TAFA2: variants seen among roughly 807,000 people sequenced by gnomAD.
TAFA2 encodes chemokine-like protein TAFA-2.
In TAFA2, 7 loss-of-function variants were observed where a neutral mutation model predicts 18.8. The ratio of observed to expected loss-of-function variants is 0.37; its 90% confidence interval spans 0.21 to 0.70. The LOEUF is 0.70. Among genes scored for constraint, TAFA2 ranks in the 30% least tolerant of loss-of-function variants. The pLI is 0.53. For missense variants in TAFA2, 122 were observed against 158.1 expected (o/e 0.77, Z 1.23); for synonymous variants, 60 against 54.2 (o/e 1.11, Z -0.47).
intron 1 of TAFA2, among the ~76,000 whole-genome samples, chr12:61,910,488 G>T (rs1403096129): frequency 1.3e-5 from 2 of 152,130 alleles, no homozygotes; most frequent in African/African-American, 4.8e-5. Flanking sequence ...TCAATTCAGT[G>T]ACCAACATTC....
intron 1 of TAFA2, among the ~76,000 whole-genome samples, chr12:62,125,384 C>T (rs971814868): frequency 6.6e-6 from 1 of 152,074 alleles, no homozygotes; most frequent in African/African-American, 2.4e-5. Context: ...GCTGGCCCGG[C>T]TCTGCCCTAG....
At chr12:62,104,332 C>T (rs76001787) in intron 1 of TAFA2, among the ~76,000 whole-genome samples, 8,194 of 150,906 alleles carry the variant, frequency 0.054, 333 homozygotes, top group Non-Finnish European at 0.083. Context: ...TATTGATTAA[C>T]CCTCAGCGAT....
intron 1 of TAFA2, among the ~76,000 whole-genome samples, chr12:61,955,125 G>C (rs1277568005): frequency 1.3e-5 from 2 of 152,058 alleles, no homozygotes; most frequent in Non-Finnish European, 2.9e-5. Flanking sequence ...TTCACATATT[G>C]TTAGAGTAAT....
intron 1 of TAFA2, among the ~76,000 whole-genome samples, chr12:62,167,033 T>G (rs1349792224): frequency 6.6e-6 from 1 of 152,100 alleles, no homozygotes; most frequent in South Asian, 2.1e-4. Context: ...TGTTTCCATA[T>G]GCCACAATGG....
chr12:62,234,717 G>A (rs1170232394), intron 1 of TAFA2: 10 of 1,088,252 alleles, frequency 9.2e-6, no homozygotes, highest in African/African-American at 1.5e-5. Flanking sequence ...TGCCTCTGAG[G>A]AGCCCCGTCT....
At chr12:62,226,736 C>A (rs2062788664) in intron 1 of TAFA2, among the ~76,000 whole-genome samples, 1 of 152,160 alleles carries the variant, frequency 6.6e-6, no homozygotes, top group Non-Finnish European at 1.5e-5. Context: ...CACCAAGTTA[C>A]CCAAGGCAAA....
intron 2 of TAFA2, among the ~76,000 whole-genome samples, chr12:61,821,784 G>A (rs537574261): frequency 1.3e-5 from 2 of 152,072 alleles, no homozygotes; most frequent in Non-Finnish European, 2.9e-5. Context: ...CTCAAAACTT[G>A]TTCCAAAAAC....
chr12:61,744,703 T>C (rs934740738), intron 4 of TAFA2, among the ~76,000 whole-genome samples: 8 of 152,004 alleles, frequency 5.3e-5, no homozygotes, highest in Non-Finnish European at 1.2e-4. Context: ...TACAGGTGAA[T>C]GCCACCACAT....
At chr12:61,714,408 T>C (rs1869553729) in intron 4 of TAFA2, among the ~76,000 whole-genome samples, 1 of 152,222 alleles carries the variant, frequency 6.6e-6, no homozygotes, top group Admixed American at 6.5e-5. Context: ...AGCAGGACGC[T>C]ACCCTGGTAG....
At chr12:61,888,984 T>C (rs567117174) in intron 1 of TAFA2, among the ~76,000 whole-genome samples, 112 of 152,318 alleles carry the variant, frequency 7.4e-4, no homozygotes, top group African/African-American at 2.6e-3. Flanking sequence ...CCTGGAGTGG[T>C]TGGAGACTGT....
At chr12:61,940,066 T>C (rs1317848859) in intron 1 of TAFA2, among the ~76,000 whole-genome samples, 2 of 152,206 alleles carry the variant, frequency 1.3e-5, no homozygotes, top group African/African-American at 4.8e-5. Context: ...AAATAATCTG[T>C]TCTGGCTGCT....
chr12:62,065,455 C>T (rs962556113), intron 1 of TAFA2, among the ~76,000 whole-genome samples: 1 of 152,032 alleles, frequency 6.6e-6, no homozygotes, highest in African/African-American at 2.4e-5. Flanking sequence ...CCTGCCTTGT[C>T]TTACCAATGA....
chr12:61,763,720 G>GC (rs1395142367), intron 2 of TAFA2, among the ~76,000 whole-genome samples: 1 of 151,766 alleles, frequency 6.6e-6, no homozygotes, highest in Non-Finnish European at 1.5e-5. Flanking sequence ...AGAAAGCTTC[G>GC]CGCATGCCTC....
rs3034054 is a variant in TAFA2, at chr12:61,836,732, G to GATATATATAT, written c.106+30578_106+30587dup. Among the ~76,000 whole-genome samples the GATATATATAT allele has an allele frequency of 2.0e-3, 229 of 112,760 alleles. 3 individuals are homozygous for GATATATATAT. The East Asian group carries it at 0.028, about 14-fold the overall frequency. The allele number at this position is 112,760 out of a possible 152,430, so 74.0% of individuals were successfully genotyped here. A position where few individuals can be genotyped will look rare whatever the true frequency, so the allele number is the denominator to read the frequency against. On this transcript the variant is annotated intron_variant, in intron 2 of 4. Coordinates refer to ENST00000416284, the MANE Select transcript of TAFA2 (RefSeq NM_178539.5). ...TAGTATTTAGAATTGTTGCCAATTTGATATATATATATATATATATATATA... is the reference window on the plus strand; with the variant it reads ...TAGTATTTAGAATTGTTGCCAATTTGATATATATATATATATATATATATATATATATATA...
At chr12:61,869,778 C>T (rs1874516635) in intron 1 of TAFA2, among the ~76,000 whole-genome samples, 2 of 152,150 alleles carry the variant, frequency 1.3e-5, no homozygotes. Flanking sequence ...TCTCTCAGCA[C>T]TCCTACTATT....
chr12:62,208,433 G>A (rs1336064740), intron 1 of TAFA2, among the ~76,000 whole-genome samples: 2 of 151,888 alleles, frequency 1.3e-5, no homozygotes, highest in Non-Finnish European at 2.9e-5. Flanking sequence ...TTTTAGTTCT[G>A]TAGTATAAGG....
chr12:61,742,581 G>A (rs12312418), intron 4 of TAFA2, among the ~76,000 whole-genome samples: 3,974 of 152,046 alleles, frequency 0.026, 165 homozygotes, highest in African/African-American at 0.091. Context: ...TGTCTTTGAC[G>A]CTCTTCTTTT....
intron 1 of TAFA2, among the ~76,000 whole-genome samples, chr12:62,138,251 T>C (rs2062213636): frequency 6.6e-6 from 1 of 152,070 alleles, no homozygotes; most frequent in Non-Finnish European, 1.5e-5. Flanking sequence ...ACCACTGCAC[T>C]CCTGCCTAGG....
At chr12:62,205,845 G>A (rs1477739922) in intron 1 of TAFA2, among the ~76,000 whole-genome samples, 2 of 152,142 alleles carry the variant, frequency 1.3e-5, no homozygotes. Context: ...GGGATCCAAG[G>A]CCCTGGTGGC....
Sources: allele counts gnomAD v4.1 joint callset (sites outside exome capture counted in the v4.1 genomes callset), GRCh38; gene constraint gnomAD v4.1.1; transcripts MANE v1.5; gene names NCBI Gene and HGNC (gene_info 2026-07-23, HGNC 2026-07-21).